ADGRL2: variants seen among roughly 807,000 people sequenced by gnomAD.
ADGRL2 encodes the protein calcium-independent alpha-latrotoxin receptor 2.
In ADGRL2, 44 loss-of-function variants were observed where a neutral mutation model predicts 157.4. The ratio of observed to expected loss-of-function variants is 0.28; its 90% CI spans 0.22 to 0.36. The LOEUF (loss-of-function observed/expected upper bound fraction) is 0.36, where lower values mean the gene tolerates loss of function less well. ADGRL2 is among the 10% of genes least tolerant of loss of function. The pLI, the probability that ADGRL2 is intolerant of heterozygous loss-of-function variation, is 1.00. For synonymous variants in ADGRL2, 585 were observed against 624.7 expected, an observed-to-expected ratio of 0.94 and a Z score of 0.95; for missense variants, 1,510 against 1,768.9, an observed-to-expected ratio of 0.85 and a Z score of 2.63.
At chr1:81,384,083 G>A (rs541306375) in intron 1 of ADGRL2, among the ~76,000 whole-genome samples, 1 of 152,080 alleles carries the variant, frequency 6.6e-6, no homozygotes, top group Non-Finnish European at 1.5e-5. Flanking sequence ...TTCATTTTTA[G>A]GAATGCTTTT....
rs192861809 is a variant in ADGRL2, at chr1:81,432,069, C to T, written c.-301-12967C>T. Among the ~76,000 whole-genome samples, 22 of 152,326 alleles carry T rather than the reference C, an allele frequency of 1.4e-4. No homozygotes were observed. In the East Asian group the frequency reaches 3.7e-3, roughly 25 times the overall value. On this transcript the variant is annotated intron_variant, in intron 1 of 24. Coordinates refer to the ADGRL2 transcript ENST00000370721. ...TCTTCAACAAATAATTTAGTACTGACCACACTTTAAAATGTTTATTGCTGT... is the reference window on the plus strand; with the variant it reads ...TCTTCAACAAATAATTTAGTACTGATCACACTTTAAAATGTTTATTGCTGT...
intron 3 of ADGRL2, among the ~76,000 whole-genome samples, chr1:81,921,395 G>C (rs771134266): frequency 6.6e-6 from 1 of 152,106 alleles, no homozygotes; most frequent in Non-Finnish European, 1.5e-5. Flanking sequence ...TTGCTTAATA[G>C]ATTTTATTGT....
At chr1:81,913,108 A>G (rs1427158064) in intron 3 of ADGRL2, among the ~76,000 whole-genome samples, 2 of 152,148 alleles carry the variant, frequency 1.3e-5, no homozygotes, top group African/African-American at 4.8e-5. Context: ...GTAAGCTCTA[A>G]ATGTAGGCAC....
At chr1:81,967,991 A>C (rs1657632441) in intron 13 of ADGRL2, 35 bp from the exon 14 acceptor site, 1 of 1,566,074 alleles carries the variant, frequency 6.4e-7, no homozygotes, top group African/African-American at 1.4e-5. Context: ...TTAGAATATA[A>C]AATCCTAATT....
At chr1:81,309,529 C>T (rs769021874) in intron 1 of ADGRL2, among the ~76,000 whole-genome samples, 4 of 152,090 alleles carry the variant, frequency 2.6e-5, no homozygotes, top group Non-Finnish European at 5.9e-5. Context: ...GGACATTCCA[C>T]CCCCCACAAA....
chr1:81,637,417 T>C (rs1052484282), intron 3 of ADGRL2, among the ~76,000 whole-genome samples: 3 of 152,122 alleles, frequency 2.0e-5, no homozygotes, highest in African/African-American at 7.2e-5. Flanking sequence ...TTCGAAACCA[T>C]GTTGACCTGG....
chr1:81,753,272 G>A (rs1414507269), intron 1 of ADGRL2, among the ~76,000 whole-genome samples: 1 of 152,212 alleles, frequency 6.6e-6, no homozygotes, highest in African/African-American at 2.4e-5. Context: ...ACATCTTAAT[G>A]TGGATGGTGG....
At chr1:81,880,240 T>C (rs1185768706) in intron 2 of ADGRL2, among the ~76,000 whole-genome samples, 1 of 152,186 alleles carries the variant, frequency 6.6e-6, no homozygotes, top group Non-Finnish European at 1.5e-5. Flanking sequence ...TTGCCTCAGA[T>C]ACTCCATCTG....
At chr1:81,535,586 G>A (rs1434821259) in intron 2 of ADGRL2, among the ~76,000 whole-genome samples, 1 of 152,124 alleles carries the variant, frequency 6.6e-6, no homozygotes, top group African/African-American at 2.4e-5. Context: ...AGTAACATTG[G>A]AAGAATAATA....
intron 1 of ADGRL2, among the ~76,000 whole-genome samples, chr1:81,708,031 T>C (rs1353231422): frequency 6.6e-6 from 1 of 152,218 alleles, no homozygotes; most frequent in Non-Finnish European, 1.5e-5. Context: ...TGCCTACGCT[T>C]GTTCTCTCTT....
chr1:81,328,422 C>T (rs1034056957), intron 1 of ADGRL2, among the ~76,000 whole-genome samples: 1 of 152,042 alleles, frequency 6.6e-6, no homozygotes, highest in Non-Finnish European at 1.5e-5. Flanking sequence ...TAATGTCAGA[C>T]ATTTGTAAAA....
intron 3 of ADGRL2, among the ~76,000 whole-genome samples, chr1:81,912,499 G>C (rs1419253855): frequency 2.0e-5 from 3 of 152,152 alleles, no homozygotes; most frequent in Admixed American, 2.0e-4. Context: ...GTTTATACAG[G>C]TTTGGCACTT....
intron 2 of ADGRL2, among the ~76,000 whole-genome samples, chr1:81,542,249 T>A (rs751570175): frequency 6.6e-6 from 1 of 152,166 alleles, no homozygotes; most frequent in Non-Finnish European, 1.5e-5. Flanking sequence ...TCTCTCCAAG[T>A]CTGTCGAGAG....
chr1:81,656,020 C>T (rs934411010), intron 3 of ADGRL2, among the ~76,000 whole-genome samples: 1 of 152,208 alleles, frequency 6.6e-6, no homozygotes, highest in African/African-American at 2.4e-5. Flanking sequence ...CATACTCCTT[C>T]AAACAGAGTA....
rs563827207 is a variant in ADGRL2 at position 81,917,039 on chromosome 1, C to T, written c.287+9809C>T. The stretch of plus-strand genomic sequence containing the variant: ...TGGGGAACATGGTCTCACTATGTTG[C>T]CCAGGCAGATCTTGAACTCCTGAGC... On this transcript the variant is annotated intron_variant, in intron 3 of 23. Coordinates refer to ENST00000686636, the MANE Select transcript of ADGRL2 (RefSeq NM_001366006.2). Among the ~76,000 whole-genome samples, 155 of 151,574 alleles carry T rather than the reference C, an allele frequency of 1.0e-3. 1 individual carries two copies. The highest frequency in any genetic ancestry group is 3.6e-3 in the African/African-American group (149 of 41,334).
At chr1:81,802,824 C>T (rs2088468737) in intron 1 of ADGRL2, among the ~76,000 whole-genome samples, 1 of 152,118 alleles carries the variant, frequency 6.6e-6, no homozygotes, top group Non-Finnish European at 1.5e-5. Flanking sequence ...TTGAGGGTTG[C>T]TGTTCCTTCT....
At chr1:81,477,239 A>G (rs1185111963) in intron 2 of ADGRL2, among the ~76,000 whole-genome samples, 1 of 152,228 alleles carries the variant, frequency 6.6e-6, no homozygotes, top group Non-Finnish European at 1.5e-5. Context: ...GGAGACAATA[A>G]GAGGTTAAGT....
At chr1:81,395,891 A>G (rs1421580086) in intron 1 of ADGRL2, among the ~76,000 whole-genome samples, 3 of 152,152 alleles carry the variant, frequency 2.0e-5, no homozygotes, top group Admixed American at 6.5e-5. Flanking sequence ...AGCTTGTTCT[A>G]TTCGTCTGTG....
intron 3 of ADGRL2, among the ~76,000 whole-genome samples, chr1:81,611,899 C>T (rs138205381): frequency 9.9e-5 from 15 of 152,136 alleles, no homozygotes; most frequent in South Asian, 6.2e-4. Flanking sequence ...GGAGTTCTCA[C>T]GAGATCTGGT....
Sources: gnomAD v4.1 joint callset for allele counts (sites outside exome capture counted in the v4.1 genomes callset) on GRCh38, gnomAD v4.1.1 for gene constraint, MANE v1.5 for transcripts, NCBI Gene and HGNC (gene_info 2026-07-23, HGNC 2026-07-21) for gene names.